TPST2: variants seen among roughly 807,000 people sequenced by gnomAD.
TPST2 encodes the protein protein-tyrosine sulfotransferase 2.
A neutral mutation model predicts 27.8 loss-of-function variants in TPST2; 16 were observed. That is an observed-to-expected ratio of 0.58 (90% CI 0.39 to 0.88). The LOEUF is 0.88. Ranked by LOEUF, TPST2 falls within the 40% of genes least tolerant of loss-of-function variation. The pLI is 0.00. For missense variants in TPST2, 464 were observed against 543.1 expected (o/e 0.85, Z 1.45); for synonymous variants, 229 against 231.7 (o/e 0.99, Z 0.10).
At chr22:26,550,465 AATC>A (rs1192094496) in intron 1 of TPST2, 4 of 518,306 alleles carry the variant, frequency 7.7e-6, no homozygotes, top group Non-Finnish European at 9.9e-6. Flanking sequence ...GAACTTTCTA[AATC>A]ATCATTTCTC....
At chr22:26,534,560 C>T (rs1925344466) in intron 4 of TPST2, among the ~76,000 whole-genome samples, 1 of 152,186 alleles carries the variant, frequency 6.6e-6, no homozygotes, top group Non-Finnish European at 1.5e-5. Flanking sequence ...CGACCCATAG[C>T]CTGGGGCAAG....
intron 1 of TPST2, among the ~76,000 whole-genome samples, chr22:26,550,914 A>G (rs969294986): frequency 1.3e-5 from 2 of 152,178 alleles, no homozygotes; most frequent in African/African-American, 2.4e-5. Flanking sequence ...ACACTGCTTG[A>G]GCATAAAAAG....
In TPST2 at chr22:26,541,421, G is replaced by A. The variant is rs764264598; in HGVS notation, c.210C>T (p.Leu70=). ...TGCGAGGCACGCCACCCACGAAGAT[G>A]AGCGGCATGGCCTTGCCATAGCGGT... ...VEYRYGKAMP[L]IFVGGVPRSG... is the part of the protein sequence containing the mutation. Residue 70 remains leucine (L), a synonymous_variant, in exon 3 of 7, where the codon CTC becomes CTT. Coordinates refer to ENST00000338754, the MANE Select transcript of TPST2 (RefSeq NM_003595.5). This position sits in a 1 kb window ranked among gnomAD's most constrained non-coding sequence, Gnocchi z 5.9. 1.4e-5 allele frequency: 22 copies of A among 1,574,576 alleles called. No homozygotes were observed. Among genetic ancestry groups the A allele is most frequent in the South Asian group, 9.4e-5 (8 of 85,156 alleles).
chr22:26,528,394 A>C (rs907953615), intron 5 of TPST2, 132 bp from the exon 6 acceptor site: 1 of 1,145,762 alleles, frequency 8.7e-7, no homozygotes, highest in Non-Finnish European at 1.3e-6. Context: ...TACATCTACT[A>C]TGTGCCAGGT....
chr22:26,585,298 A>G (rs143897542), intron 1 of TPST2, among the ~76,000 whole-genome samples: 1 of 152,222 alleles, frequency 6.6e-6, no homozygotes, highest in Non-Finnish European at 1.5e-5. Context: ...ACATAGGATA[A>G]GAAGTTTCTC....
At chr22:26,532,647 GTA>G in intron 5 of TPST2, 46 bp downstream of exon 5, 2 of 1,582,892 alleles carry the variant, frequency 1.3e-6, no homozygotes, top group Non-Finnish European at 1.7e-6. Flanking sequence ...CCAGATGGTG[GTA>G]TAGCTGAGAA....
rs1925770378 is a variant in TPST2 at position 26,540,979 on chromosome 22, T to C, written c.652A>G (p.Ile218Val). The C allele has an allele frequency of 6.2e-7, 1 of 1,614,192 alleles. No individual in the cohort carries two copies. The highest frequency in any genetic ancestry group is 8.5e-7 in the Non-Finnish European group (1 of 1,180,016). ...RDCLTKWNKA[I>V]EVMYAQCMEV... is the part of the protein sequence containing the mutation. ...ATGCACTGGGCGTACATCACCTCGATGGCCTTGTTCCACTTGGTGAGGCAG... is the reference window on the plus strand; with the variant it reads ...ATGCACTGGGCGTACATCACCTCGACGGCCTTGTTCCACTTGGTGAGGCAG... Residue 218 changes from isoleucine to valine, a missense_variant, in exon 3 of 7, where the codon ATC becomes GTC. Physicochemically the swap from Ile to Val is conservative, Grantham distance 29. Transcript: ENST00000338754.
intron 4 of TPST2, among the ~76,000 whole-genome samples, chr22:26,534,610 A>T (rs1185108126): frequency 6.6e-6 from 1 of 152,216 alleles, no homozygotes; most frequent in African/African-American, 2.4e-5. Context: ...ACCCCAGAGG[A>T]GCCACTGCTG....
chr22:26,526,634 A>G (rs1198157507), intron 6 of TPST2, among the ~76,000 whole-genome samples: 3 of 152,246 alleles, frequency 2.0e-5, no homozygotes, highest in African/African-American at 7.2e-5. Flanking sequence ...TATCTCATTT[A>G]AACAGTAAAA....
At chr22:26,575,321 T>G (rs1381150382) in intron 1 of TPST2, among the ~76,000 whole-genome samples, 1 of 152,136 alleles carries the variant, frequency 6.6e-6, no homozygotes, top group Admixed American at 6.5e-5. Context: ...GTACTGAAAC[T>G]ATTCCCTCTT....
At chr22:26,529,184 T>A (rs892303537) in intron 5 of TPST2, among the ~76,000 whole-genome samples, 1 of 151,846 alleles carries the variant, frequency 6.6e-6, no homozygotes, top group African/African-American at 2.4e-5. Flanking sequence ...TGGAGTGCGG[T>A]GGTGCAATCT....
intron 1 of TPST2, among the ~76,000 whole-genome samples, chr22:26,577,068 C>T (rs1470684897): frequency 6.9e-6 from 1 of 145,742 alleles, no homozygotes; most frequent in African/African-American, 2.6e-5. Context: ...TGCACTCCAG[C>T]CTGGGCGACA....
Position 26,573,319 on chromosome 22 carries a change from C to T in TPST2, c.-161+16734G>A, listed in dbSNP as rs183366956. On this transcript the variant is annotated intron_variant, in intron 1 of 6. Coordinates refer to ENST00000338754, the MANE Select transcript of TPST2 (RefSeq NM_003595.5). ...GTGCTAAGATGACAGGCGTGAGCCA[C>T]GGCGCCCTGCCTAGTTCCACCGTCT... 9.5e-4 allele frequency among the ~76,000 whole-genome samples: 145 copies of T among 152,358 alleles called. No homozygotes were observed. In the East Asian group the frequency reaches 0.022, roughly 24 times the overall value.
At chr22:26,561,176 AGT>A in intron 1 of TPST2, 1 of 1,579,252 alleles carries the variant, frequency 6.3e-7, no homozygotes, top group South Asian at 1.2e-5. Flanking sequence ...GTTCTAGCGC[AGT>A]TTTTTTTTTC....
intron 4 of TPST2, chr22:26,536,079 A>G (rs367845934): frequency 5.6e-5 from 40 of 720,272 alleles, no homozygotes; most frequent in East Asian, 5.2e-4. Context: ...TATGAGAGAC[A>G]GGCTACCAGT....
chr22:26,564,133 C>T (rs1440208301), intron 1 of TPST2, among the ~76,000 whole-genome samples: 1 of 152,178 alleles, frequency 6.6e-6, no homozygotes, highest in South Asian at 2.1e-4. Context: ...TGAGGCTGAA[C>T]GAGGTGTCTA....
intron 1 of TPST2, among the ~76,000 whole-genome samples, chr22:26,566,651 C>T (rs982432193): frequency 2.6e-5 from 4 of 152,120 alleles, no homozygotes; most frequent in African/African-American, 4.8e-5. Flanking sequence ...GCTCAGGAGG[C>T]TGAGGCAGAA....
At chr22:26,556,063 C>T (rs1926776419) in intron 1 of TPST2, among the ~76,000 whole-genome samples, 1 of 152,146 alleles carries the variant, frequency 6.6e-6, no homozygotes, top group Non-Finnish European at 1.5e-5. Context: ...ATAAAATATA[C>T]AGGATGAAAA....
rs972562283 is a variant in TPST2 at position 26,569,053 on chromosome 22, C to T, written c.-161+21000G>A. Among the ~76,000 whole-genome samples, 12 of 152,132 alleles carry T rather than the reference C, an allele frequency of 7.9e-5. No homozygotes were observed. The East Asian group carries it at 1.2e-3, about 15-fold the overall frequency. The stretch of plus-strand genomic sequence containing the variant: ...TAATTTTTCGTATTTTCAGTAGAGA[C>T]GGGCTTTCACTGTGTTAGCCAGGAT... On this transcript the variant is annotated intron_variant, in intron 1 of 6. Coordinates refer to ENST00000338754, the MANE Select transcript of TPST2 (RefSeq NM_003595.5).
Sources: allele counts gnomAD v4.1 joint callset (sites outside exome capture counted in the v4.1 genomes callset), GRCh38; gene constraint gnomAD v4.1.1; non-coding constraint Gnocchi (gnomAD v3.1); transcripts MANE v1.5; gene names NCBI Gene and HGNC (gene_info 2026-07-23, HGNC 2026-07-21).